Variants in SLC49A3 observed in about 807,000 individuals in gnomAD.
SLC49A3 encodes the protein solute carrier family 49 member 3.
In SLC49A3, 50 loss-of-function variants were observed where a neutral mutation model predicts 43.8. The observed-to-expected ratio is 1.14, with a 90% CI of 0.91 to 1.45. SLC49A3 has a LOEUF of 1.45. Among genes scored for constraint, SLC49A3 ranks in the 40% most tolerant of loss-of-function variants. The pLI is 0.00. For synonymous variants in SLC49A3, 413 were observed against 352.0 expected (o/e 1.17, Z -1.94); for missense variants, 906 against 774.1 (o/e 1.17, Z -2.02).
In SLC49A3 at chr4:683,314, G is replaced by A. The variant is rs61031375; in HGVS notation, c.1047C>T (p.Leu349=). The change falls in exon 8 of 10, where the codon CTC becomes CTT. Residue 349 remains leucine, a synonymous_variant. Transcript: ENST00000322224. ...GGCCCACCGAGAAGCCAAACAGCCCGAGCAGCGAGCAGGTGGCAGCCAGGG... is the reference window on the plus strand; with the variant it reads ...GGCCCACCGAGAAGCCAAACAGCCCAAGCAGCGAGCAGGTGGCAGCCAGGG... ...TLALAATCSL[L]GLFGFSVGPV... is the part of the protein sequence containing the mutation. 0.013 allele frequency: 21,110 copies of A among 1,612,488 alleles called. 1,817 individuals are homozygous for A. In the East Asian group the frequency reaches 0.24, roughly 18 times the overall value.
At chr4:678,467 C>T, downstream of SLC49A3, 1 of 1,432,400 alleles carries the variant, frequency 7.0e-7, no homozygotes, top group South Asian at 1.5e-5. Context: ...AAGCCAGACA[C>T]CTGCAGCCGT....
chr4:678,111 G>T, downstream of SLC49A3: 1 of 1,588,090 alleles, frequency 6.3e-7, no homozygotes, highest in Admixed American at 1.8e-5. Flanking sequence ...ACAGACGAGC[G>T]TGGGCGTGTC....
intron 6 of SLC49A3, 110 bp from the exon 7 acceptor site, chr4:683,871 G>A (rs1740404797): frequency 2.2e-6 from 3 of 1,349,870 alleles, no homozygotes; most frequent in Admixed American, 3.2e-5. Context: ...CCAAGGCCCA[G>A]GCATAGCAAC....
chr4:687,020 G>A (rs1269068883), intron 1 of SLC49A3, among the ~76,000 whole-genome samples: 2 of 152,210 alleles, frequency 1.3e-5, no homozygotes, highest in African/African-American at 4.8e-5. Flanking sequence ...TGGGCGTGAC[G>A]GGGTCTCAGC....
In SLC49A3 at chr4:681,928, G is replaced by C. The variant is rs534288644; in HGVS notation, c.*30C>G. ...TGTTCCAGTTCGCCTCCATCGATGT[G>C]GCGGGCAACCTGGACTACAAGGCGC... On this transcript the variant is annotated 3_prime_UTR_variant, in exon 10 of 10. Transcript: ENST00000322224. 36 of 1,323,110 alleles carry C rather than the reference G, an allele frequency of 2.7e-5. No individual in the cohort carries two copies. Among genetic ancestry groups the C allele is most frequent in the Non-Finnish European group, 3.3e-5 (34 of 1,025,770 alleles). 82.0% of individuals were successfully genotyped at this position (1,323,110 alleles called of 1,614,324 possible).
downstream of SLC49A3, chr4:680,961 C>G (rs974858591): frequency 9.5e-6 from 10 of 1,052,650 alleles, no homozygotes; most frequent in Admixed American, 1.9e-4. Context: ...TGCCCCAGGG[C>G]CACACTCCAG....
rs772431359 is a variant in SLC49A3, at chr4:682,320, A to C, written c.1318T>G (p.Phe440Val). ...CTFFSCILAV[F>V]FHTPYRRLQA... ...AGGCGCCGGTATGGGGTGTGGAAGA[A>C]GACCGCCAGGATGCAGCTGAAGAAG... Residue 440 changes from phenylalanine to valine, a missense_variant, in exon 10 of 10, where the codon TTC becomes GTC. By Grantham distance (50) the Phe-to-Val change is conservative. Coordinates refer to ENST00000322224, the MANE Select transcript of SLC49A3 (RefSeq NM_032219.4). The C allele has an allele frequency of 7.4e-7, 1 of 1,349,566 alleles. No homozygotes were observed. The highest frequency in any genetic ancestry group is 2.2e-5 in the South Asian group (1 of 45,714). The allele number at this position is 1,349,566 out of a possible 1,614,324, so 83.6% of individuals were successfully genotyped here.
chr4:684,075 A>G (rs1740467720), intron 6 of SLC49A3, among the ~76,000 whole-genome samples: 1 of 152,232 alleles, frequency 6.6e-6, no homozygotes, highest in African/African-American at 2.4e-5. Context: ...TGATCCCAGA[A>G]GGCAGAGGGC....
upstream of SLC49A3, among the ~76,000 whole-genome samples, chr4:689,738 C>G (rs895389074): frequency 6.6e-6 from 1 of 152,214 alleles, no homozygotes. Flanking sequence ...ACACACGCAC[C>G]GGATTGTTAC....
chr4:680,684 C>T, downstream of SLC49A3: 3 of 1,225,682 alleles, frequency 2.4e-6, no homozygotes, highest in African/African-American at 1.5e-5. Context: ...ATGCCACGCC[C>T]ACCTCCCCAC....
Position 681,921 on chromosome 4 carries a change from T to TCGATGTGG in SLC49A3, c.*29_*36dup. The TCGATGTGG allele has an allele frequency of 7.6e-7, 1 of 1,320,972 alleles. No homozygotes were observed. The highest frequency in any genetic ancestry group is 2.8e-5 in the East Asian group (1 of 35,612). 81.8% of individuals were successfully genotyped at this position (1,320,972 alleles called of 1,614,324 possible). ...GACCAGATGTTCCAGTTCGCCTCCA[T>TCGATGTGG]CGATGTGGCGGGCAACCTGGACTAC... On this transcript the variant is annotated 3_prime_UTR_variant, in exon 10 of 10. Coordinates refer to ENST00000322224, the MANE Select transcript of SLC49A3 (RefSeq NM_032219.4).
chr4:686,371 G>A (rs1741036439), intron 2 of SLC49A3, 69 bp from the exon 3 acceptor site: 26 of 1,582,682 alleles, frequency 1.6e-5, no homozygotes, highest in Middle Eastern at 1.8e-4. Flanking sequence ...CCCGTCCCCC[G>A]AGCACCTGGA....
downstream of SLC49A3, chr4:679,902 T>G (rs771326710): frequency 6.2e-7 from 1 of 1,610,192 alleles, no homozygotes; most frequent in East Asian, 2.2e-5. Context: ...GATGCCCCCA[T>G]GTCTGTAACA....
Position 685,790 on chromosome 4 carries a change from GCA to G in SLC49A3, c.585+43_585+44del. Reference sequence around the variant, plus strand: ...ATCAGGAACACACAGACGTGCATGCGCACACACCACACAGACCAGGCACGGGC... The same window carrying G: ...ATCAGGAACACACAGACGTGCATGCGCACACCACACAGACCAGGCACGGGC... On this transcript the variant is annotated intron_variant, in intron 4 of 9. Coordinates refer to ENST00000322224, the MANE Select transcript of SLC49A3 (RefSeq NM_032219.4). The surrounding 1 kb of genome is among the most constrained non-coding windows in gnomAD (Gnocchi z 4.3). 1 of 1,595,314 alleles carries G rather than the reference GCA, an allele frequency of 6.3e-7. No individual in the cohort carries two copies. The highest frequency in any genetic ancestry group is 8.6e-7 in the Non-Finnish European group (1 of 1,163,632).
At chr4:690,924 T>C (rs1308137019), upstream of SLC49A3, among the ~76,000 whole-genome samples, 1 of 152,254 alleles carries the variant, frequency 6.6e-6, no homozygotes, top group Admixed American at 6.5e-5. Context: ...CATTCATAAT[T>C]ACTCCAAGGA....
In SLC49A3 at chr4:685,331, A is replaced by G. The variant is rs1740776533; in HGVS notation, c.586-475T>C. Among the ~76,000 whole-genome samples, 1 of 152,056 alleles carries G rather than the reference A, an allele frequency of 6.6e-6. No homozygotes were observed. Among genetic ancestry groups the G allele is most frequent in the African/African-American group, 2.4e-5 (1 of 41,386 alleles). On this transcript the variant is annotated intron_variant, in intron 4 of 9. Coordinates refer to ENST00000322224, the MANE Select transcript of SLC49A3 (RefSeq NM_032219.4). The surrounding 1 kb of genome is among the most constrained non-coding windows in gnomAD (Gnocchi z 4.3). ...CAGACACATATGCACACATCACACA[A>G]TACACATGGGCACAGGAACAGAGAC...
downstream of SLC49A3, chr4:678,002 C>G: frequency 6.2e-7 from 1 of 1,613,360 alleles, no homozygotes; most frequent in South Asian, 1.1e-5. Flanking sequence ...CCTGGGCAGA[C>G]GCATCAAAGC....
downstream of SLC49A3, chr4:679,234 C>T: frequency 7.2e-6 from 5 of 693,456 alleles, no homozygotes; most frequent in South Asian, 7.6e-5. Flanking sequence ...CAGGGTGAGA[C>T]AGGGTGGGTG....
downstream of SLC49A3, among the ~76,000 whole-genome samples, chr4:679,470 A>G (rs1333856620): frequency 6.6e-6 from 1 of 151,996 alleles, no homozygotes; most frequent in Non-Finnish European, 1.5e-5. Context: ...GGTGGGGCAC[A>G]CTGCCCTCCC....
Sources: allele counts gnomAD v4.1 joint callset (sites outside exome capture counted in the v4.1 genomes callset), GRCh38; gene constraint gnomAD v4.1.1; non-coding constraint Gnocchi (gnomAD v3.1); transcripts MANE v1.5; gene names NCBI Gene and HGNC (gene_info 2026-07-23, HGNC 2026-07-21).